SLIT3: variants seen among roughly 807,000 people sequenced by gnomAD.
The protein encoded by SLIT3 is slit guidance ligand 3, also known as slit homolog 3 protein.
A neutral mutation model predicts 184.0 loss-of-function variants in SLIT3; 68 were observed. The ratio of observed to expected loss-of-function variants is 0.37; its 90% CI spans 0.30 to 0.45. The LOEUF is 0.45. SLIT3 is among the 20% of genes least tolerant of loss of function. SLIT3 has a pLI of 1.00. For synonymous variants in SLIT3, 831 were observed against 828.6 expected (o/e 1.00, Z -0.05); for missense variants, 1,707 against 2,026.0 (o/e 0.84, Z 3.02).
intron 5 of SLIT3, among the ~76,000 whole-genome samples, chr5:168,846,539 C>T (rs1190700149): frequency 6.6e-6 from 1 of 152,098 alleles, no homozygotes; most frequent in Non-Finnish European, 1.5e-5. Flanking sequence ...CTCTACCCCA[C>T]GCCAAGGCCA....
intron 9 of SLIT3, among the ~76,000 whole-genome samples, chr5:168,803,888 T>G (rs2113625121): frequency 6.6e-6 from 1 of 151,730 alleles, no homozygotes; most frequent in South Asian, 2.1e-4. Flanking sequence ...GGCTGGATGT[T>G]GAGGGAAGGG....
At chr5:169,006,583 T>TCTCC (rs1306867248) in intron 4 of SLIT3, among the ~76,000 whole-genome samples, 5 of 143,174 alleles carry the variant, frequency 3.5e-5, no homozygotes, top group African/African-American at 1.3e-4. Flanking sequence ...CCCTCTTCTC[T>TCTCC]CTCTCTCTCT....
At chr5:169,222,180 C>G (rs1356384393) in intron 3 of SLIT3, among the ~76,000 whole-genome samples, 1 of 152,120 alleles carries the variant, frequency 6.6e-6, no homozygotes, top group Non-Finnish European at 1.5e-5. Flanking sequence ...TATGTATTAT[C>G]TGTATGATTT....
At chr5:169,156,202 C>G (rs1270115146) in intron 4 of SLIT3, among the ~76,000 whole-genome samples, 1 of 152,170 alleles carries the variant, frequency 6.6e-6, no homozygotes, top group Non-Finnish European at 1.5e-5. Context: ...AAACGAACAA[C>G]TTTCTTCCTA....
rs397999882 is a variant in SLIT3, at chr5:169,002,322, C to CAAAAAAAAAAAAAAAAAAAAAAA, written c.414-119009_414-118987dup. 4.5e-4 allele frequency among the ~76,000 whole-genome samples: 11 copies of CAAAAAAAAAAAAAAAAAAAAAAA among 24,202 alleles called. 2 individuals carry two copies. The highest frequency in any genetic ancestry group is 7.1e-4 in the African/African-American group (5 of 7,078). 15.9% of individuals were successfully genotyped at this position (24,202 alleles called of 152,430 possible). The stretch of plus-strand genomic sequence containing the variant: ...TGAGCAACAGAACGAGACTCTGTCT[C>CAAAAAAAAAAAAAAAAAAAAAAA]AAAAAAAAAAAAAAAAAAAAAAAAA... On this transcript the variant is annotated intron_variant, in intron 4 of 35. Transcript: ENST00000519560.
intron 4 of SLIT3, among the ~76,000 whole-genome samples, chr5:168,915,554 C>T (rs1761405520): frequency 6.6e-6 from 1 of 152,096 alleles, no homozygotes; most frequent in Non-Finnish European, 1.5e-5. Context: ...TAAGCTATAA[C>T]TTTAAATATA....
chr5:169,080,427 TCTC>T (rs1657123424), intron 4 of SLIT3, among the ~76,000 whole-genome samples: 1 of 152,140 alleles, frequency 6.6e-6, no homozygotes, highest in South Asian at 2.1e-4. Flanking sequence ...GGTACTATGA[TCTC>T]CTCCACGGCC....
chr5:169,264,198 G>C (rs1766312306), intron 1 of SLIT3, among the ~76,000 whole-genome samples: 1 of 151,792 alleles, frequency 6.6e-6, no homozygotes. Context: ...TTTTGGTTTT[G>C]GGGGTTGTTT....
intron 4 of SLIT3, among the ~76,000 whole-genome samples, chr5:169,083,786 T>G (rs1241005863): frequency 1.3e-5 from 2 of 152,126 alleles, no homozygotes; most frequent in African/African-American, 2.4e-5. Context: ...CTCTTCCCAA[T>G]TCTCAGCACC....
chr5:168,768,265 G>A, intron 14 of SLIT3: 1 of 501,908 alleles, frequency 2.0e-6, no homozygotes, highest in Non-Finnish European at 4.1e-6. Context: ...CAGAGTCAAG[G>A]TCAGGAAGCA....
At chr5:169,149,973 G>T (rs533884554) in intron 4 of SLIT3, among the ~76,000 whole-genome samples, 4 of 152,316 alleles carry the variant, frequency 2.6e-5, no homozygotes, top group East Asian at 3.9e-4. Context: ...TTTTACAGAT[G>T]AAGACATCGA....
chr5:169,001,593 C>T (rs1755704893), intron 4 of SLIT3, among the ~76,000 whole-genome samples: 1 of 152,074 alleles, frequency 6.6e-6, no homozygotes, highest in Non-Finnish European at 1.5e-5. Flanking sequence ...GTCAGCATCT[C>T]ATGACAGGCC....
chr5:169,192,423 CTGTGTG>C (rs3038088), intron 4 of SLIT3, among the ~76,000 whole-genome samples: 3,358 of 148,262 alleles, frequency 0.023, 38 homozygotes, highest in Admixed American at 0.032. Context: ...TATATAGTCT[CTGTGTG>C]TGTGTGTGTG....
chr5:169,138,413 A>G (rs1323774906), intron 4 of SLIT3, among the ~76,000 whole-genome samples: 2 of 152,108 alleles, frequency 1.3e-5, no homozygotes, highest in East Asian at 1.9e-4. Flanking sequence ...CTGCAGCCAC[A>G]TATCTGCCTG....
At chr5:168,695,536 C>T (rs1762033140) in intron 28 of SLIT3, among the ~76,000 whole-genome samples, 1 of 152,206 alleles carries the variant, frequency 6.6e-6, no homozygotes, top group South Asian at 2.1e-4. Context: ...GAATTCCAGT[C>T]TGGGATACGC....
At chr5:168,887,724 A>C (rs984653342) in intron 4 of SLIT3, among the ~76,000 whole-genome samples, 1 of 152,138 alleles carries the variant, frequency 6.6e-6, no homozygotes, top group Non-Finnish European at 1.5e-5. Context: ...ATTATGACTT[A>C]TTAGACTACA....
At chr5:168,844,838 G>GAACT in intron 5 of SLIT3, 183 bp from the exon 6 acceptor site, 1 of 550,246 alleles carries the variant, frequency 1.8e-6, no homozygotes. Flanking sequence ...CTGTCTGAGA[G>GAACT]AACTACACAG....
chr5:169,193,624 A>G lies in SLIT3; in HGVS notation c.342-74T>C, dbSNP rs531068956. 6 of 1,101,852 alleles carry G rather than the reference A, an allele frequency of 5.4e-6. No homozygotes were observed. The African/African-American group carries it at 9.2e-5, about 17-fold the overall frequency. 68.3% of individuals were successfully genotyped at this position (1,101,852 alleles called of 1,614,324 possible). ...TCAAACGTATTCAGATACCACTTTA[A>G]TCAATCAGTCAATCAATCAATAGGC... is the stretch of plus-strand genomic sequence containing the variant. On this transcript the variant is annotated intron_variant, in intron 3 of 35. Coordinates refer to ENST00000519560, the MANE Select transcript of SLIT3 (RefSeq NM_003062.4).
intron 2 of SLIT3, among the ~76,000 whole-genome samples, chr5:169,246,917 G>C (rs545158477): frequency 1.2e-5 from 1 of 82,988 alleles, no homozygotes; most frequent in South Asian, 4.9e-4. Context: ...GCAAGACTCT[G>C]TCTCAAAAAA....
Sources: gnomAD v4.1 joint callset for allele counts (sites outside exome capture counted in the v4.1 genomes callset) on GRCh38, gnomAD v4.1.1 for gene constraint, MANE v1.5 for transcripts, NCBI Gene and HGNC (gene_info 2026-07-23, HGNC 2026-07-21) for gene names.